MARCHF1: variants seen among roughly 807,000 people sequenced by gnomAD.
The protein encoded by MARCHF1 is membrane associated ring-CH-type finger 1.
In MARCHF1, 40 loss-of-function variants were observed where a neutral mutation model predicts 54.2. That is an observed-to-expected ratio of 0.74 (90% CI 0.57 to 0.96). The LOEUF (loss-of-function observed/expected upper bound fraction) is 0.96, where lower values mean the gene tolerates loss of function less well. Ranked by LOEUF, MARCHF1 falls within the 40% of genes least tolerant of loss-of-function variation. The pLI is 0.00. For missense variants in MARCHF1, 586 were observed against 656.5 expected (o/e 0.89, Z 1.17); for synonymous variants, 236 against 236.3 (o/e 1.00, Z 0.01).
intron 1 of MARCHF1, among the ~76,000 whole-genome samples, chr4:164,365,964 C>T (rs181419754): frequency 2.5e-4 from 37 of 149,126 alleles, no homozygotes; most frequent in African/African-American, 8.2e-4. Flanking sequence ...AAGTTTTGAT[C>T]ATCTCTCTCC....
intron 5 of MARCHF1, among the ~76,000 whole-genome samples, chr4:163,687,315 C>T (rs1374371825): frequency 6.6e-6 from 1 of 151,728 alleles, no homozygotes; most frequent in Non-Finnish European, 1.5e-5. Flanking sequence ...GCAAACTCCA[C>T]CTCCCCGGTT....
chr4:164,091,470 G>A (rs1755301567), intron 2 of MARCHF1, among the ~76,000 whole-genome samples: 1 of 147,328 alleles, frequency 6.8e-6, no homozygotes, highest in Non-Finnish European at 1.5e-5. Flanking sequence ...TACAATGTGT[G>A]CACTCAGAAA....
At chr4:163,925,049 A>G (rs77596626) in intron 3 of MARCHF1, among the ~76,000 whole-genome samples, 76 of 151,882 alleles carry the variant, frequency 5.0e-4, no homozygotes, top group African/African-American at 1.6e-3. Context: ...TTGATTTCCA[A>G]TGGTTTTGAA....
intron 1 of MARCHF1, among the ~76,000 whole-genome samples, chr4:164,363,635 C>T (rs1185915757): frequency 6.6e-6 from 1 of 152,112 alleles, no homozygotes; most frequent in Admixed American, 6.6e-5. Context: ...AGAAATAGGG[C>T]TACTCAAGAA....
chr4:164,040,037 C>G (rs1161249740), intron 2 of MARCHF1, among the ~76,000 whole-genome samples: 1 of 144,406 alleles, frequency 6.9e-6, no homozygotes, highest in Admixed American at 7.0e-5. Flanking sequence ...TTTATATATA[C>G]AAGCATAATT....
intron 2 of MARCHF1, among the ~76,000 whole-genome samples, chr4:164,061,588 G>C (rs1477323266): frequency 6.7e-6 from 1 of 148,810 alleles, no homozygotes; most frequent in African/African-American, 2.5e-5. Flanking sequence ...GCTAAATGAC[G>C]AGTTAATGGG....
intron 1 of MARCHF1, among the ~76,000 whole-genome samples, chr4:164,292,895 G>A (rs948822877): frequency 6.6e-6 from 1 of 151,976 alleles, no homozygotes; most frequent in African/African-American, 2.4e-5. Context: ...GTATATCAAC[G>A]TGATTCCTCC....
intron 1 of MARCHF1, among the ~76,000 whole-genome samples, chr4:164,319,952 C>A (rs564823806): frequency 5.9e-5 from 9 of 152,142 alleles, no homozygotes; most frequent in Admixed American, 1.3e-4. Flanking sequence ...GTACATTTCT[C>A]TAGACATTTT....
intron 3 of MARCHF1, among the ~76,000 whole-genome samples, chr4:163,923,824 A>G (rs1751481850): frequency 6.6e-6 from 1 of 151,958 alleles, no homozygotes; most frequent in Admixed American, 6.6e-5. Context: ...GCATCTTACA[A>G]TGCAGACATA....
intron 7 of MARCHF1, among the ~76,000 whole-genome samples, chr4:163,590,235 T>G (rs1238607498): frequency 2.7e-5 from 4 of 150,462 alleles, no homozygotes; most frequent in Admixed American, 2.7e-4. Flanking sequence ...TCTTCATAAG[T>G]TTTTTTTTAA....
chr4:163,967,332 A>G (rs1481622586), intron 3 of MARCHF1, among the ~76,000 whole-genome samples: 2 of 152,118 alleles, frequency 1.3e-5, no homozygotes, highest in Non-Finnish European at 2.9e-5. Context: ...AATGAAGGGA[A>G]GGGGAAATAA....
chr4:163,887,280 T>C (rs999694223), intron 3 of MARCHF1, among the ~76,000 whole-genome samples: 4 of 151,900 alleles, frequency 2.6e-5, no homozygotes, highest in Admixed American at 6.6e-5. Context: ...AAAAGGGGGT[T>C]TTTATGGGAA....
chr4:164,097,782 T>C (rs1485525097), intron 2 of MARCHF1, among the ~76,000 whole-genome samples: 10 of 152,200 alleles, frequency 6.6e-5, no homozygotes, highest in Admixed American at 3.9e-4. Context: ...TTAGGTAGGT[T>C]GGGCCACACA....
intron 4 of MARCHF1, among the ~76,000 whole-genome samples, chr4:163,787,920 T>C (rs1747667280): frequency 6.6e-6 from 1 of 151,964 alleles, no homozygotes; most frequent in African/African-American, 2.4e-5. Context: ...ACCTGTCACA[T>C]GCTACAACAT....
intron 2 of MARCHF1, among the ~76,000 whole-genome samples, chr4:164,043,934 G>A (rs6840507): frequency 0.035 from 5,333 of 152,188 alleles, 213 homozygotes; most frequent in Admixed American, 0.086. Flanking sequence ...CAGTCTCTTT[G>A]CGAAAGCATA....
chr4:163,787,532 C>A (rs1215403037), intron 4 of MARCHF1, among the ~76,000 whole-genome samples: 1 of 151,606 alleles, frequency 6.6e-6, no homozygotes. Flanking sequence ...CATATTATCT[C>A]ATACCCATTA....
intron 1 of MARCHF1, among the ~76,000 whole-genome samples, chr4:164,193,515 TA>T (rs1038868898): frequency 6.6e-6 from 1 of 152,072 alleles, no homozygotes; most frequent in African/African-American, 2.4e-5. Flanking sequence ...TCTTTTGGAA[TA>T]ATGAGGACCT....
At chr4:164,115,215 C>A (rs748096091) in intron 1 of MARCHF1, among the ~76,000 whole-genome samples, 1 of 151,898 alleles carries the variant, frequency 6.6e-6, no homozygotes, top group Non-Finnish European at 1.5e-5. Context: ...AAAACATAAA[C>A]CATTACTTAA....
chr4:164,033,365 G>A (rs1753919541), intron 2 of MARCHF1, among the ~76,000 whole-genome samples: 1 of 152,156 alleles, frequency 6.6e-6, no homozygotes, highest in East Asian at 1.9e-4. Context: ...ATAGGCATGG[G>A]CAAAGCTTTT....
Sources: allele counts gnomAD v4.1 joint callset (sites outside exome capture counted in the v4.1 genomes callset), GRCh38; gene constraint gnomAD v4.1.1; transcripts MANE v1.5; gene names NCBI Gene and HGNC (gene_info 2026-07-23, HGNC 2026-07-21).